Variants in SLC30A9 observed in about 807,000 individuals in gnomAD.
SLC30A9 encodes the protein proton-coupled zinc antiporter SLC30A9, mitochondrial.
A neutral mutation model predicts 87.5 loss-of-function variants in SLC30A9; 58 were observed. The observed-to-expected ratio is 0.66, with a 90% confidence interval of 0.54 to 0.82. SLC30A9 has a LOEUF of 0.82. Among genes scored for constraint, SLC30A9 ranks in the 40% least tolerant of loss-of-function variants. The pLI, the probability that SLC30A9 is intolerant of heterozygous loss-of-function variation, is 0.00. For synonymous variants in SLC30A9, 234 were observed against 233.0 expected (o/e 1.00, Z -0.04); for missense variants, 557 against 679.1 (o/e 0.82, Z 2.00).
At chr4:42,021,750 T>G (rs1715955951) in intron 4 of SLC30A9, among the ~76,000 whole-genome samples, 1 of 152,010 alleles carries the variant, frequency 6.6e-6, no homozygotes, top group Non-Finnish European at 1.5e-5. Context: ...TTTTCGTTTT[T>G]TTTGTTTGTT....
Position 41,990,601 on chromosome 4 carries a change from C to G in SLC30A9, c.-51C>G. On this transcript the variant is annotated 5_prime_UTR_variant, in exon 1 of 18. Coordinates refer to ENST00000264451, the MANE Select transcript of SLC30A9 (RefSeq NM_006345.4). ...CTATGGAGTCAGTTGGTACCGGTGG[C>G]GGCGCGGAGGCAGAAGGCGGTGTCC... is the stretch of plus-strand genomic sequence containing the variant. 2.6e-6 allele frequency: 3 copies of G among 1,138,646 alleles called. No homozygotes were observed. Among genetic ancestry groups the G allele is most frequent in the Non-Finnish European group, 3.9e-6 (3 of 776,236 alleles). The allele number at this position is 1,138,646 out of a possible 1,614,324, so 70.5% of individuals were successfully genotyped here. A position where few individuals can be genotyped will look rare whatever the true frequency, so the allele number is the denominator to read the frequency against.
chr4:42,019,085 G>A (rs189103756), intron 3 of SLC30A9, among the ~76,000 whole-genome samples: 1 of 151,318 alleles, frequency 6.6e-6, no homozygotes, highest in East Asian at 1.9e-4. Flanking sequence ...TAATATTTGT[G>A]CATTTAATGT....
intron 8 of SLC30A9, among the ~76,000 whole-genome samples, chr4:42,040,927 A>G (rs929754561): frequency 1.3e-5 from 2 of 152,268 alleles, no homozygotes; most frequent in East Asian, 1.9e-4. Flanking sequence ...TGATAAAGAC[A>G]TACCCAAGAC....
intron 2 of SLC30A9, among the ~76,000 whole-genome samples, chr4:42,010,987 G>C (rs931554884): frequency 6.6e-6 from 1 of 152,118 alleles, no homozygotes; most frequent in Non-Finnish European, 1.5e-5. Context: ...CACCCCCACA[G>C]AAGGAGACTG....
At chr4:42,050,833 G>A (rs1717354612) in intron 9 of SLC30A9, among the ~76,000 whole-genome samples, 1 of 152,178 alleles carries the variant, frequency 6.6e-6, no homozygotes, top group African/African-American at 2.4e-5. Flanking sequence ...ACATATTTGG[G>A]ATAGTGGAGC....
At position 42,063,219 on chromosome 4, in the gene SLC30A9, A is replaced by G. The variant is rs539265394; in HGVS notation, c.1032+98A>G. The G allele has an allele frequency of 3.0e-4, 328 of 1,077,650 alleles. 6 individuals carry two copies. In the South Asian group the frequency reaches 4.6e-3, roughly 15 times the overall value. 66.8% of individuals were successfully genotyped at this position (1,077,650 alleles called of 1,614,324 possible). On this transcript the variant is annotated intron_variant, in intron 11 of 17. Coordinates refer to ENST00000264451, the MANE Select transcript of SLC30A9 (RefSeq NM_006345.4). ...CATATTGGTGTTAAAGGAGAATGAC[A>G]TACACCTTCTTGACTGTGTATTGTA...
Position 42,087,779 on chromosome 4 carries a change from T to C in SLC30A9, c.*1653T>C, listed in dbSNP as rs1363543542. On this transcript the variant is annotated 3_prime_UTR_variant, in exon 18 of 18. Transcript: ENST00000264451. ...AAAACTTTTTTTTTACCTGTTATGA[T>C]TTATTCTATACTTTTTTCTTCTTCC... 6.6e-6 allele frequency: 1 copy of C among 151,910 alleles called. No individual in the cohort carries two copies. Among genetic ancestry groups the C allele is most frequent in the Non-Finnish European group, 1.5e-5 (1 of 67,982 alleles). 9.4% of individuals were successfully genotyped at this position (151,910 alleles called of 1,614,324 possible).
At chr4:42,045,929 A>G (rs1717132626) in intron 8 of SLC30A9, among the ~76,000 whole-genome samples, 1 of 152,198 alleles carries the variant, frequency 6.6e-6, no homozygotes, top group African/African-American at 2.4e-5. Context: ...ATGCATCAAC[A>G]TATGCAAAAT....
chr4:42,027,585 T>G (rs970978519), intron 6 of SLC30A9, among the ~76,000 whole-genome samples: 1 of 152,144 alleles, frequency 6.6e-6, no homozygotes, highest in Non-Finnish European at 1.5e-5. Flanking sequence ...GATGGCAAAG[T>G]ACTGTGTCTA....
intron 10 of SLC30A9, 152 bp from the exon 11 acceptor site, chr4:42,062,834 T>C: frequency 3.2e-6 from 2 of 629,360 alleles, no homozygotes; most frequent in East Asian, 5.8e-5. Context: ...ACTTTACATA[T>C]TGCTTTTCAA....
chr4:42,030,602 G>GGGGGA (rs1279450497), intron 6 of SLC30A9, among the ~76,000 whole-genome samples: 50 of 145,870 alleles, frequency 3.4e-4, no homozygotes, highest in Middle Eastern at 6.9e-3. Context: ...TTTTTTTTGG[G>GGGGGA]CTCTTTCAAA....
chr4:42,068,079 T>C (rs1359360608), intron 14 of SLC30A9, among the ~76,000 whole-genome samples: 1 of 152,212 alleles, frequency 6.6e-6, no homozygotes, highest in African/African-American at 2.4e-5. Flanking sequence ...TGATACTCAC[T>C]GATTCACCAA....
At chr4:42,079,638 C>T (rs890231873) in intron 17 of SLC30A9, among the ~76,000 whole-genome samples, 57 of 146,962 alleles carry the variant, frequency 3.9e-4, no homozygotes, top group African/African-American at 1.2e-3. Context: ...GACGGAGTCT[C>T]GCACTGTCAC....
chr4:42,063,421 C>A (rs1367200241), intron 11 of SLC30A9, among the ~76,000 whole-genome samples: 1 of 152,180 alleles, frequency 6.6e-6, no homozygotes, highest in African/African-American at 2.4e-5. Flanking sequence ...AACAAGAAAA[C>A]CTCTGTTCAC....
chr4:42,029,473 G>A, intron 6 of SLC30A9: 1 of 659,346 alleles, frequency 1.5e-6, no homozygotes, highest in Non-Finnish European at 2.8e-6. Context: ...CCAGCAGACT[G>A]AAATTGCCTT....
chr4:41,990,656 T>A lies in SLC30A9; in HGVS notation c.5T>A (p.Leu2Ter). The change falls in exon 1 of 18, where the codon TTA (leucine) becomes TAA (stop). Residue 2 changes from leucine to a stop codon, truncating the protein, a stop_gained. Transcript: ENST00000264451. LOFTEE classifies it high-confidence loss of function. M[L>*]PGLAAAAAHR... The stretch of plus-strand genomic sequence containing the variant: ...AGGGGCCTCTGCCCCACCAGGATGT[T>A]ACCCGGCTTGGCCGCCGCCGCGGCC... 1.9e-6 allele frequency: 3 copies of A among 1,605,254 alleles called. No homozygotes were observed. The highest frequency in any genetic ancestry group is 2.6e-6 in the Non-Finnish European group (3 of 1,174,426).
chr4:41,992,151 G>GT (rs1714471085), intron 1 of SLC30A9, among the ~76,000 whole-genome samples: 1 of 151,680 alleles, frequency 6.6e-6, no homozygotes, highest in Admixed American at 6.6e-5. Context: ...TCCAAGACCA[G>GT]CCCGGGCAAC....
In SLC30A9 at chr4:42,020,409, T is replaced by C. The variant is rs1715900241; in HGVS notation, c.335-7T>C. Reference sequence around the variant, plus strand: ...ATATTTATTATGTTTTCCTGTTTTTTGTTTAGTTAAAGCAGTCCTTAAGAA... The same window carrying C: ...ATATTTATTATGTTTTCCTGTTTTTCGTTTAGTTAAAGCAGTCCTTAAGAA... On this transcript the variant is annotated splice_polypyrimidine_tract_variant and splice_region_variant and intron_variant, in intron 3 of 17. Coordinates refer to ENST00000264451, the MANE Select transcript of SLC30A9 (RefSeq NM_006345.4). 4 of 1,337,786 alleles carry C rather than the reference T, an allele frequency of 3.0e-6. No homozygotes were observed. The highest frequency in any genetic ancestry group is 3.8e-5 in the Admixed American group (2 of 52,938). 82.9% of individuals were successfully genotyped at this position (1,337,786 alleles called of 1,614,324 possible). A position where few individuals can be genotyped will look rare whatever the true frequency, so the allele number is the denominator to read the frequency against.
At chr4:42,003,434 T>C (rs1167418824) in intron 2 of SLC30A9, among the ~76,000 whole-genome samples, 1 of 152,138 alleles carries the variant, frequency 6.6e-6, no homozygotes, top group African/African-American at 2.4e-5. Context: ...GATGGTCTTT[T>C]TTTATGGTTC....
Sources: allele counts gnomAD v4.1 joint callset (sites outside exome capture counted in the v4.1 genomes callset), GRCh38; gene constraint gnomAD v4.1.1; transcripts MANE v1.5; gene names NCBI Gene and HGNC (gene_info 2026-07-23, HGNC 2026-07-21).